Variants in FAM177B observed in about 807,000 individuals in gnomAD.
The protein encoded by FAM177B is protein FAM177B.
In FAM177B, 16 loss-of-function variants were observed where a neutral mutation model predicts 16.1. The ratio of observed to expected loss-of-function variants is 0.99; its 90% CI spans 0.67 to 1.51. FAM177B has a LOEUF of 1.51. FAM177B is among the 40% of genes most tolerant of loss of function. FAM177B has a pLI of 0.00. For synonymous variants in FAM177B, 56 were observed against 59.9 expected (o/e 0.93, Z 0.30); for missense variants, 178 against 183.7 (o/e 0.97, Z 0.18).
intron 2 of FAM177B, among the ~76,000 whole-genome samples, chr1:222,742,945 A>C (rs1572006427): frequency 6.6e-6 from 1 of 152,160 alleles, no homozygotes; most frequent in South Asian, 2.1e-4. Context: ...ATGGCAAAAA[A>C]TGGAATTCCT....
In FAM177B at chr1:222,749,467, T is replaced by C. The variant is rs777632900; in HGVS notation, c.244T>C (p.Cys82Arg). ...CAAGTGCTCGTTCTTTCTTTTAGCA[T>C]GTGAATTCCTTGGTGGAAGATTTGC... ...GRIASTSFST[C>R]EFLGGRFAVF... Residue 82 changes from cysteine to arginine, a missense_variant and splice_region_variant, in exon 5 of 6, where the codon TGT becomes CGT. Cys to Arg is a radical substitution (Grantham distance 180, BLOSUM62 -3). Transcript: ENST00000445590. 3.1e-6 allele frequency: 5 copies of C among 1,595,834 alleles called. No individual in the cohort carries two copies. The South Asian group carries it at 4.5e-5, about 14-fold the overall frequency.
At chr1:222,743,358 A>G (rs1328047632) in intron 2 of FAM177B, among the ~76,000 whole-genome samples, 1 of 151,018 alleles carries the variant, frequency 6.6e-6, no homozygotes, top group Non-Finnish European at 1.5e-5. Context: ...GGGTTTCACC[A>G]TGTTGGCCAG....
intron 2 of FAM177B, among the ~76,000 whole-genome samples, 180 bp downstream of exon 2, chr1:222,738,201 AC>A (rs1658368110): frequency 6.6e-6 from 1 of 152,160 alleles, no homozygotes; most frequent in Non-Finnish European, 1.5e-5. Flanking sequence ...TATAAATGTT[AC>A]AATCATCTGT....
chr1:222,748,782 T>C (rs1658914843), intron 4 of FAM177B, among the ~76,000 whole-genome samples: 1 of 152,176 alleles, frequency 6.6e-6, no homozygotes, highest in South Asian at 2.1e-4. Context: ...TGATGCCCTA[T>C]ATGAGCAATA....
At chr1:222,739,537 T>C (rs747535648) in intron 2 of FAM177B, 2 of 152,170 alleles carry the variant, frequency 1.3e-5, no homozygotes, top group African/African-American at 4.8e-5. Flanking sequence ...GTCTTTGAAA[T>C]TATTTAAAAG....
intron 2 of FAM177B, among the ~76,000 whole-genome samples, chr1:222,743,996 CCT>C (rs890587712): frequency 6.6e-6 from 1 of 151,394 alleles, no homozygotes; most frequent in African/African-American, 2.4e-5. Context: ...ACCCCCTGCC[CCT>C]CTCTCTCTCA....
intron 2 of FAM177B, among the ~76,000 whole-genome samples, chr1:222,742,868 G>T (rs1182765552): frequency 1.3e-5 from 2 of 151,516 alleles, no homozygotes; most frequent in African/African-American, 4.9e-5. Flanking sequence ...ATTGTATTTT[G>T]CTTCTTTTAT....
Position 222,738,564 on chromosome 1 carries a change from C to CAAAAAAAAAAAAAAAAAA in FAM177B, c.-16+560_-16+561insAAAAAAAAAAAAAAAAAA, listed in dbSNP as rs71175182. On this transcript the variant is annotated intron_variant, in intron 2 of 5. Transcript: ENST00000445590. ...GGAGACTCCGTCTCTACAAAAACTG[C>CAAAAAAAAAAAAAAAAAA]AAAAAAAAAAAAAAAAAGGCTGGGC... Among the ~76,000 whole-genome samples, 2 of 61,818 alleles carry CAAAAAAAAAAAAAAAAAA rather than the reference C, an allele frequency of 3.2e-5. 1 individual carries two copies. The allele number at this position is 61,818 out of a possible 152,430, so 40.6% of individuals were successfully genotyped here.
At chr1:222,747,994 C>A (rs1658877099) in intron 4 of FAM177B, among the ~76,000 whole-genome samples, 1 of 152,088 alleles carries the variant, frequency 6.6e-6, no homozygotes, top group African/African-American at 2.4e-5. Context: ...GGGGGAGACC[C>A]CTTAAGAGAG....
In FAM177B at chr1:222,747,057, C is replaced by G; in HGVS notation, c.217C>G (p.Arg73Gly). 6.2e-7 allele frequency: 1 copy of G among 1,611,814 alleles called. No homozygotes were observed. Among genetic ancestry groups the G allele is most frequent in the Non-Finnish European group, 8.5e-7 (1 of 1,177,928 alleles). ...GCCCTACCTACGATTTTGGGCAGGA[C>G]GAATAGCAAGCACCTCATTTTCTAG... ...WGPYLRFWAG[R>G]IASTSFSTCE... The change falls in exon 4 of 6, where the codon CGA (arginine) becomes GGA (glycine). Residue 73 changes from arginine to glycine, a missense_variant. Transcript: ENST00000445590.
intron 5 of FAM177B, 100 bp downstream of exon 5, chr1:222,749,662 T>G: frequency 1.3e-6 from 1 of 742,310 alleles, no homozygotes; most frequent in Non-Finnish European, 2.3e-6. Context: ...CCTGGTCATA[T>G]GTACTATAAT....
At chr1:222,738,239 G>A (rs1030192476) in intron 2 of FAM177B, among the ~76,000 whole-genome samples, 4 of 152,102 alleles carry the variant, frequency 2.6e-5, no homozygotes, top group Non-Finnish European at 5.9e-5. Flanking sequence ...AAGCCACAGG[G>A]CCAAAGGAGA....
At chr1:222,741,244 A>G (rs1658519671) in intron 2 of FAM177B, among the ~76,000 whole-genome samples, 1 of 150,770 alleles carries the variant, frequency 6.6e-6, no homozygotes, top group Non-Finnish European at 1.5e-5. Context: ...TATTTTTTTT[A>G]GTATAGACGG....
intron 2 of FAM177B, among the ~76,000 whole-genome samples, chr1:222,744,887 T>C (rs1423113127): frequency 2.6e-5 from 4 of 152,236 alleles, no homozygotes; most frequent in Non-Finnish European, 5.9e-5. Flanking sequence ...GATCATGATA[T>C]CTATTAGAAC....
chr1:222,749,284 T>C, intron 4 of FAM177B, 181 bp from the exon 5 acceptor site: 1 of 550,558 alleles, frequency 1.8e-6, no homozygotes, highest in Non-Finnish European at 3.3e-6. Context: ...ACAAATTTCC[T>C]TTGAATCCTA....
chr1:222,743,469 T>C (rs1658644472), intron 2 of FAM177B, among the ~76,000 whole-genome samples: 1 of 152,162 alleles, frequency 6.6e-6, no homozygotes, highest in Admixed American at 6.5e-5. Flanking sequence ...TGAATTGTTT[T>C]TAGTGGAGAT....
intron 2 of FAM177B, among the ~76,000 whole-genome samples, chr1:222,743,872 C>T (rs1658663823): frequency 6.6e-6 from 1 of 152,154 alleles, no homozygotes. Context: ...AAAACTCCAG[C>T]TCCAAGGCCT....
At chr1:222,747,228 C>A (rs1658841804) in intron 4 of FAM177B, 147 bp downstream of exon 4, 1 of 620,060 alleles carries the variant, frequency 1.6e-6, no homozygotes, top group Non-Finnish European at 2.9e-6. Flanking sequence ...TTCCCAAAGG[C>A]ACAGAACTTC....
rs904806095 is a variant in FAM177B at position 222,747,369 on chromosome 1, T to G, written c.241+288T>G. 4 of 301,834 alleles carry G rather than the reference T, an allele frequency of 1.3e-5. No homozygotes were observed. The Admixed American group carries it at 1.8e-4, about 14-fold the overall frequency. 18.7% of individuals were successfully genotyped at this position (301,834 alleles called of 1,614,324 possible). A position where few individuals can be genotyped will look rare whatever the true frequency, so the allele number is the denominator to read the frequency against. On this transcript the variant is annotated intron_variant, in intron 4 of 5. Transcript: ENST00000445590. ...ATACAAAACTGCTATAGATGCCTCT[T>G]TCATAGGACAGAGGGCAATATTTGA...
Sources: gnomAD v4.1 joint callset for allele counts (sites outside exome capture counted in the v4.1 genomes callset) on GRCh38, gnomAD v4.1.1 for gene constraint, MANE v1.5 for transcripts, NCBI Gene and HGNC (gene_info 2026-07-23, HGNC 2026-07-21) for gene names.